The following OPCML variants were observed in gnomAD, a reference collection of about 807,000 sequenced individuals.
The protein encoded by OPCML is opioid binding protein/cell adhesion molecule like.
In OPCML, 13 loss-of-function variants were observed where a neutral mutation model predicts 37.8. The ratio of observed to expected loss-of-function variants is 0.34; its 90% CI spans 0.22 to 0.55. OPCML has a LOEUF of 0.55. OPCML is among the 20% of genes least tolerant of loss of function. The pLI is 0.91. For missense variants in OPCML, 341 were observed against 435.6 expected, an observed-to-expected ratio of 0.78 and a Z score of 1.93; for synonymous variants, 176 against 168.8, an observed-to-expected ratio of 1.04 and a Z score of -0.33.
At chr11:133,318,232 T>G (rs923489692) in intron 1 of OPCML, among the ~76,000 whole-genome samples, 1 of 152,210 alleles carries the variant, frequency 6.6e-6, no homozygotes. Flanking sequence ...GGCTAAATGT[T>G]ATTTAGGCTC....
intron 1 of OPCML, among the ~76,000 whole-genome samples, chr11:133,082,272 GGA>G (rs1387395133): frequency 6.6e-6 from 1 of 151,638 alleles, no homozygotes; most frequent in African/African-American, 2.4e-5. Context: ...CTCCCGCGCT[GGA>G]GTCTTGGGGC....
intron 1 of OPCML, among the ~76,000 whole-genome samples, chr11:133,076,579 C>G (rs1207644287): frequency 3.3e-5 from 5 of 152,088 alleles, no homozygotes; most frequent in Admixed American, 3.3e-4. Context: ...CTTGATTCTC[C>G]CCTTTGGCTG....
chr11:132,678,277 T>A (rs1173206528), intron 2 of OPCML, among the ~76,000 whole-genome samples: 3 of 152,178 alleles, frequency 2.0e-5, no homozygotes, highest in African/African-American at 7.2e-5. Context: ...CAACAGGAAC[T>A]CTCCTTCATT....
At chr11:132,687,942 A>G (rs901609472) in intron 2 of OPCML, among the ~76,000 whole-genome samples, 36 of 152,290 alleles carry the variant, frequency 2.4e-4, no homozygotes, top group African/African-American at 7.7e-4. Context: ...GATTTACTAT[A>G]GAATGCACTC....
At chr11:132,551,921 AG>A in intron 3 of OPCML, among the ~76,000 whole-genome samples, 1 of 152,298 alleles carries the variant, frequency 6.6e-6, no homozygotes. Context: ...GCAGTGGGCA[AG>A]GGGAACCCAT....
intron 1 of OPCML, among the ~76,000 whole-genome samples, chr11:133,052,057 G>T (rs1364851043): frequency 2.0e-5 from 3 of 152,184 alleles, no homozygotes; most frequent in Non-Finnish European, 4.4e-5. Flanking sequence ...ACCCTCAGGG[G>T]ACATCACAAA....
chr11:133,004,674 C>T, intron 1 of OPCML: 2 of 985,458 alleles, frequency 2.0e-6, no homozygotes, highest in African/African-American at 1.7e-5. Flanking sequence ...GGACCATGCC[C>T]TCGCTCTCCT....
At chr11:132,799,218 A>C (rs1305902826) in intron 2 of OPCML, among the ~76,000 whole-genome samples, 31 of 152,144 alleles carry the variant, frequency 2.0e-4, no homozygotes, top group Admixed American at 2.0e-3. Flanking sequence ...CTACATTGAA[A>C]ATCTCTTGTT....
intron 2 of OPCML, among the ~76,000 whole-genome samples, chr11:132,872,604 A>C (rs930611896): frequency 1.3e-5 from 2 of 151,970 alleles, no homozygotes; most frequent in African/African-American, 4.8e-5. Flanking sequence ...TATAGAAAGG[A>C]CTCTGAGGCC....
intron 1 of OPCML, among the ~76,000 whole-genome samples, chr11:133,111,728 G>T (rs868097486): frequency 1.4e-4 from 21 of 152,204 alleles, no homozygotes; most frequent in African/African-American, 4.6e-4. Flanking sequence ...TAAAGTTGGT[G>T]CCAGGAAGGG....
At chr11:132,958,523 T>C (rs146740262) in intron 1 of OPCML, among the ~76,000 whole-genome samples, 1 of 152,312 alleles carries the variant, frequency 6.6e-6, no homozygotes, top group African/African-American at 2.4e-5. Flanking sequence ...CAACCCTGTG[T>C]TGGAAGAAGG....
At chr11:132,556,720 G>A (rs2096396468) in intron 3 of OPCML, among the ~76,000 whole-genome samples, 2 of 152,102 alleles carry the variant, frequency 1.3e-5, no homozygotes, top group South Asian at 4.2e-4. Flanking sequence ...ACTCACCCTC[G>A]GCTGGCCTGG....
At chr11:132,484,318 T>G (rs1437914813) in intron 4 of OPCML, among the ~76,000 whole-genome samples, 5 of 152,042 alleles carry the variant, frequency 3.3e-5, no homozygotes, top group African/African-American at 1.2e-4. Context: ...CATGAAAAAA[T>G]GCTCACCATC....
chr11:132,847,167 C>T (rs1506877), intron 2 of OPCML, among the ~76,000 whole-genome samples: 113,671 of 152,076 alleles, frequency 0.75, 42,541 homozygotes, highest in East Asian at 0.8. Context: ...CTGAAGGTAT[C>T]TTGCTGCATT....
intron 2 of OPCML, among the ~76,000 whole-genome samples, chr11:132,817,542 A>G (rs1419963887): frequency 6.6e-6 from 1 of 152,152 alleles, no homozygotes; most frequent in Admixed American, 6.5e-5. Context: ...AAAGGAAAAT[A>G]AGGTTTGTTT....
intron 1 of OPCML, among the ~76,000 whole-genome samples, chr11:133,464,872 G>T (rs1048642177): frequency 6.6e-6 from 1 of 152,104 alleles, no homozygotes; most frequent in African/African-American, 2.4e-5. Flanking sequence ...ATGAGGTAGA[G>T]GGTAAGGCAG....
intron 7 of OPCML, among the ~76,000 whole-genome samples, chr11:132,433,905 C>A (rs1398737195): frequency 2.6e-5 from 4 of 152,196 alleles, no homozygotes; most frequent in Non-Finnish European, 5.9e-5. Context: ...TAATAAATGT[C>A]TGTTGTTTAA....
intron 1 of OPCML, among the ~76,000 whole-genome samples, chr11:133,456,415 C>A (rs572088237): frequency 4.3e-4 from 65 of 151,960 alleles, no homozygotes; most frequent in South Asian, 2.1e-3. Context: ...TGTCAACCTG[C>A]CAAGATTGGA....
intron 3 of OPCML, among the ~76,000 whole-genome samples, chr11:132,546,619 A>C (rs555196331): frequency 1.1e-4 from 17 of 152,270 alleles, no homozygotes; most frequent in Middle Eastern, 3.4e-3. Context: ...CTGGAGAGAG[A>C]GAGCCAGGTC....
Sources: allele counts gnomAD v4.1 joint callset (sites outside exome capture counted in the v4.1 genomes callset), GRCh38; gene constraint gnomAD v4.1.1; transcripts MANE v1.5; gene names NCBI Gene and HGNC (gene_info 2026-07-23, HGNC 2026-07-21).